The following RANBP2 variants were observed in gnomAD, a reference collection of about 807,000 sequenced individuals.
The protein encoded by RANBP2 is E3 SUMO-protein ligase RanBP2.
Under a neutral mutation model 303.6 loss-of-function variants are expected in RANBP2, and 57 were observed. That is an observed-to-expected ratio of 0.19 (90% CI 0.15 to 0.23). The LOEUF is 0.23. Ranked by LOEUF, RANBP2 falls within the 10% of genes least tolerant of loss-of-function variation. The pLI, the probability that RANBP2 is intolerant of heterozygous loss-of-function variation, is 1.00. For missense variants in RANBP2, 3,138 were observed against 3,780.8 expected (o/e 0.83, Z 4.46); for synonymous variants, 1,167 against 1,301.5 (o/e 0.90, Z 2.23).
chr2:109,321,171 C>T, the RANBP2 span, among the ~76,000 whole-genome samples: 14 of 152,262 alleles, frequency 9.2e-5, no homozygotes, highest in Non-Finnish European at 1.9e-4. Context: ...TCAAACGCTT[C>T]TTTGCAGCTC....
chr2:108,992,541 T>C, the RANBP2 span, among the ~76,000 whole-genome samples: 1 of 152,186 alleles, frequency 6.6e-6, no homozygotes, highest in Admixed American at 6.5e-5. Flanking sequence ...GTCTGGCAGC[T>C]GGGCCCTGAC....
chr2:109,080,820 G>A, the RANBP2 span, among the ~76,000 whole-genome samples: 1 of 152,150 alleles, frequency 6.6e-6, no homozygotes, highest in Admixed American at 6.6e-5. Context: ...ACTAGTAGGG[G>A]GTTGTATTAA....
At chr2:109,050,993 C>A in the RANBP2 span, among the ~76,000 whole-genome samples, 1 of 152,108 alleles carries the variant, frequency 6.6e-6, no homozygotes, top group African/African-American at 2.4e-5. Context: ...TAGGAGTAAA[C>A]CCAGCTTCCT....
the RANBP2 span, among the ~76,000 whole-genome samples, chr2:109,082,883 T>C: frequency 2.6e-4 from 38 of 148,586 alleles, no homozygotes; most frequent in South Asian, 3.7e-3. Context: ...TGGAGTGCAG[T>C]GGCGCCATCT....
chr2:108,782,229 T>C lies in RANBP2; in HGVS notation c.8862T>C (p.Gly2954=). The change falls in exon 27 of 29, where the codon GGT becomes GGC. Residue 2954 remains glycine (G), a synonymous_variant. Transcript: ENST00000283195. The stretch of plus-strand genomic sequence containing the variant: ...ATGTCAGTCAGTGGAAGGAGCGCGG[T>C]GTTGGAGATATAAAGATTCTTTGGC... ...DRDVSQWKER[G]VGDIKILWHT... is the part of the protein sequence containing the mutation. 1 of 1,614,100 alleles carries C rather than the reference T, an allele frequency of 6.2e-7. No homozygotes were observed. Among genetic ancestry groups the C allele is most frequent in the Non-Finnish European group, 8.5e-7 (1 of 1,180,006 alleles).
the RANBP2 span, among the ~76,000 whole-genome samples, chr2:109,171,098 G>C: frequency 2.6e-5 from 4 of 152,136 alleles, no homozygotes; most frequent in Non-Finnish European, 5.9e-5. Context: ...CACTTGCTGT[G>C]TGACTTATCT....
At chr2:108,812,783 C>T in the RANBP2 span, 36 of 1,611,376 alleles carry the variant, frequency 2.2e-5, no homozygotes, top group African/African-American at 3.7e-4. Context: ...CATTTAGATA[C>T]AATTGTTCTT....
At chr2:109,123,289 C>A in the RANBP2 span, among the ~76,000 whole-genome samples, 1 of 152,136 alleles carries the variant, frequency 6.6e-6, no homozygotes, top group Non-Finnish European at 1.5e-5. Flanking sequence ...GTCATCCCAA[C>A]TCAGCCTTCC....
the RANBP2 span, among the ~76,000 whole-genome samples, chr2:109,409,785 A>G: frequency 1.3e-5 from 2 of 151,886 alleles, no homozygotes; most frequent in African/African-American, 4.8e-5. Flanking sequence ...ATCAGCCATA[A>G]ATGTTTTATT....
the RANBP2 span, among the ~76,000 whole-genome samples, chr2:109,093,798 C>T: frequency 6.6e-6 from 1 of 152,052 alleles, no homozygotes; most frequent in East Asian, 1.9e-4. Context: ...TGTCTTCTTG[C>T]CACTCTTGAT....
the RANBP2 span, among the ~76,000 whole-genome samples, chr2:109,179,157 C>T: frequency 2.0e-5 from 3 of 151,928 alleles, no homozygotes; most frequent in African/African-American, 7.3e-5. Context: ...GTACAATGTC[C>T]CTGACCAGAG....
the RANBP2 span, among the ~76,000 whole-genome samples, chr2:109,440,669 A>G: frequency 7.9e-5 from 12 of 152,168 alleles, no homozygotes; most frequent in Admixed American, 6.5e-4. Flanking sequence ...GGCAGTGGCA[A>G]AAGGAGGCAG....
At chr2:109,443,986 T>C in the RANBP2 span, among the ~76,000 whole-genome samples, 237 of 152,336 alleles carry the variant, frequency 1.6e-3, 1 homozygote, top group African/African-American at 5.6e-3. Context: ...GATTATGTAC[T>C]GGGCCATGAT....
At chr2:109,534,641 G>C in the RANBP2 span, among the ~76,000 whole-genome samples, 3 of 151,896 alleles carry the variant, frequency 2.0e-5, no homozygotes, top group Non-Finnish European at 4.4e-5. Flanking sequence ...TTAGCTGGGC[G>C]TGATGGCACT....
At chr2:108,971,616 A>G in the RANBP2 span, among the ~76,000 whole-genome samples, 1 of 152,214 alleles carries the variant, frequency 6.6e-6, no homozygotes, top group Admixed American at 6.5e-5. Context: ...GAGGAAGGGT[A>G]TTAGAGATAG....
chr2:109,194,239 A>G, the RANBP2 span, among the ~76,000 whole-genome samples: 1 of 152,236 alleles, frequency 6.6e-6, no homozygotes, highest in Non-Finnish European at 1.5e-5. Context: ...CTTAGCATCC[A>G]TCAGCCTCAT....
the RANBP2 span, among the ~76,000 whole-genome samples, chr2:109,390,964 G>T: frequency 6.6e-6 from 1 of 152,326 alleles, no homozygotes; most frequent in East Asian, 1.9e-4. Flanking sequence ...CTGATCTGCA[G>T]CTTGGCCAAC....
the RANBP2 span, among the ~76,000 whole-genome samples, chr2:109,228,532 A>T: frequency 6.6e-6 from 1 of 152,130 alleles, no homozygotes; most frequent in Admixed American, 6.5e-5. Context: ...GACCCCTTCC[A>T]TGTGGAGCTA....
chr2:109,535,424 C>A, the RANBP2 span, among the ~76,000 whole-genome samples: 2 of 152,142 alleles, frequency 1.3e-5, no homozygotes, highest in African/African-American at 4.8e-5. Flanking sequence ...CTCAGACTTC[C>A]GGCTTCACAC....
Sources: allele counts gnomAD v4.1 joint callset (sites outside exome capture counted in the v4.1 genomes callset), GRCh38; gene constraint gnomAD v4.1.1; transcripts MANE v1.5; gene names NCBI Gene and HGNC (gene_info 2026-07-23, HGNC 2026-07-21).